The following PPRC1 variants were observed in gnomAD, a reference collection of about 807,000 sequenced individuals.
The protein encoded by PPRC1 is peroxisome proliferator-activated receptor gamma coactivator-related protein 1.
A neutral mutation model predicts 132.5 loss-of-function variants in PPRC1; 23 were observed. That is an observed-to-expected ratio of 0.17 (90% CI 0.12 to 0.25). PPRC1 has a LOEUF of 0.25. Among genes scored for constraint, PPRC1 ranks in the 10% least tolerant of loss-of-function variants. The probability of loss-of-function intolerance (pLI) is 1.00; values close to 1 mark genes in which losing one functional copy is unlikely to be tolerated. For synonymous variants in PPRC1, 872 were observed against 833.5 expected (o/e 1.05, Z -0.80); for missense variants, 2,006 against 2,089.1 (o/e 0.96, Z 0.78).
At chr10:102,122,324 C>T in the PPRC1 span, among the ~76,000 whole-genome samples, 2 of 152,188 alleles carry the variant, frequency 1.3e-5, no homozygotes, top group African/African-American at 4.8e-5. Flanking sequence ...TGATTTGAGA[C>T]AACTGACCAC....
intron 1 of PPRC1, among the ~76,000 whole-genome samples, chr10:102,134,945 C>T (rs1292149800): frequency 6.6e-6 from 1 of 152,104 alleles, no homozygotes; most frequent in Non-Finnish European, 1.5e-5. Flanking sequence ...ATTCCCTTCC[C>T]CCGAAAACCA....
chr10:102,139,807 C>G lies in PPRC1; in HGVS notation c.1299C>G (p.Val433=), dbSNP rs745908303. ...DSACLLKPRE[V]VEPVVPKEPQ... ...CCTGCTTATTGAAGCCCAGGGAGGT[C>G]GTGGAGCCGGTGGTGCCCAAGGAGC... Residue 433 remains valine (V), a synonymous_variant, in exon 5 of 14, where the codon GTC becomes GTG. Transcript: ENST00000278070. The G allele has an allele frequency of 3.7e-6, 6 of 1,614,038 alleles. No individual in the cohort carries two copies. The highest frequency in any genetic ancestry group is 5.1e-6 in the Non-Finnish European group (6 of 1,180,048).
Position 102,147,221 on chromosome 10 carries a change from G to A in PPRC1, c.4229G>A (p.Arg1410Lys). ...ATGCGCTGTTACCGAAAAGCCTGCA[G>A]GTCAGCCAGCCCCTCAAGCCAGGGC... Reference protein sequence around the residue: ...RSMRCYRKACRSASPSSQGWQ... With the variant: ...RSMRCYRKACKSASPSSQGWQ... The change falls in exon 9 of 14, where the codon AGG becomes AAG. Residue 1410 changes from arginine to lysine, a missense_variant. Physicochemically the swap from Arg to Lys is conservative, Grantham distance 26. Around this residue, in one of 2 missense-constraint regions of PPRC1, gnomAD observed 1,914 missense variants for 1,917.2 expected, o/e 1.00. Coordinates refer to ENST00000278070, the MANE Select transcript of PPRC1 (RefSeq NM_015062.5). 1.2e-6 allele frequency: 2 copies of A among 1,613,422 alleles called. No individual in the cohort carries two copies. Among genetic ancestry groups the A allele is most frequent in the Non-Finnish European group, 8.5e-7 (1 of 1,180,048 alleles).
rs61756436 is a variant in PPRC1 at position 102,139,902 on chromosome 10, A to G, written c.1394A>G (p.Lys465Arg). The change falls in exon 5 of 14, where the codon AAG becomes AGG. Residue 465 changes from lysine to arginine, a missense_variant. This residue lies in a region of PPRC1 where 1,914 missense variants were observed against 1,917.2 expected (regional missense o/e 1.00). Transcript: ENST00000278070. ...RARKGRKKKS[K>R]EQPAACVEGY... The stretch of plus-strand genomic sequence containing the variant: ...CGAAAGGGCAGGAAGAAGAAGAGCA[A>G]GGAGCAGCCAGCAGCCTGTGTGGAA... The G allele has an allele frequency of 5.4e-3, 8,657 of 1,614,262 alleles. 61 individuals carry two copies. Among genetic ancestry groups the G allele is most frequent in the Non-Finnish European group, 5.4e-3 (6,315 of 1,180,040 alleles).
upstream of PPRC1, among the ~76,000 whole-genome samples, chr10:102,132,144 A>G (rs2068554504): frequency 6.6e-6 from 1 of 152,240 alleles, no homozygotes; most frequent in Admixed American, 6.5e-5. Context: ...ACACACTAAA[A>G]GTAACAAGGG....
chr10:102,135,201 A>G, intron 1 of PPRC1, among the ~76,000 whole-genome samples: 1 of 152,174 alleles, frequency 6.6e-6, no homozygotes, highest in East Asian at 1.9e-4. Flanking sequence ...TAAAGCTGAG[A>G]TGTTAAAACT....
rs761032678 is a variant in PPRC1 at position 102,145,082 on chromosome 10, A to G, written c.3671A>G (p.Asn1224Ser). 3.7e-6 allele frequency: 6 copies of G among 1,613,532 alleles called. No homozygotes were observed. Among genetic ancestry groups the G allele is most frequent in the Admixed American group, 1.7e-5 (1 of 59,998 alleles). ...LDRLQAPELA[N>S]VAGLTPPATP... ...CGGTTACAAGCCCCAGAACTGGCCA[A>G]CGTGGCAGGTGGGTTCAGGGTGGGG... is the stretch of plus-strand genomic sequence containing the variant. Residue 1224 changes from asparagine to serine, a missense_variant, in exon 8 of 14, where the codon AAC becomes AGC. Physicochemically the swap from Asn to Ser is conservative, Grantham distance 46. Coordinates refer to ENST00000278070, the MANE Select transcript of PPRC1 (RefSeq NM_015062.5).
At chr10:102,143,598 C>CAAAA (rs774584823) in intron 6 of PPRC1, among the ~76,000 whole-genome samples, 2 of 57,900 alleles carry the variant, frequency 3.5e-5, no homozygotes, top group East Asian at 4.9e-4. Flanking sequence ...GACTCTGTCT[C>CAAAA]AAAAAAAAAA....
chr10:102,140,273 T>C lies in PPRC1; in HGVS notation c.1765T>C (p.Ser589Pro), dbSNP rs2068900897. The C allele has an allele frequency of 1.9e-6, 3 of 1,614,164 alleles. No individual in the cohort carries two copies. The highest frequency in any genetic ancestry group is 2.2e-5 in the East Asian group (1 of 44,878). ...SAQASPMPVD[S>P]VEADPTAVGP... The stretch of plus-strand genomic sequence containing the variant: ...CCAAGCCAGCCCCATGCCAGTTGAC[T>C]CTGTTGAAGCTGATCCCACTGCAGT... Residue 589 changes from serine (S) to proline (P), a missense_variant, in exon 5 of 14, where the codon TCT becomes CCT. Physicochemically the swap from Ser to Pro is moderately conservative, Grantham distance 74. Transcript: ENST00000278070.
At position 102,142,942 on chromosome 10, in the gene PPRC1, G is replaced by C. The variant is rs550652433; in HGVS notation, c.3497-103G>C. ...TTGGTTCACTTAGTACAGAGGGCAG[G>C]GGGAGTGGAAAGGGAGAAGTGAGAT... On this transcript the variant is annotated intron_variant, in intron 5 of 13. Transcript: ENST00000278070. The C allele has an allele frequency of 4.6e-5, 46 of 992,126 alleles. 1 individual carries two copies. In the South Asian group the frequency reaches 6.3e-4, roughly 13 times the overall value. 61.5% of individuals were successfully genotyped at this position (992,126 alleles called of 1,614,324 possible).
At chr10:102,139,043 T>C in intron 4 of PPRC1, 57 bp from the exon 5 acceptor site, 1 of 1,603,376 alleles carries the variant, frequency 6.2e-7, no homozygotes, top group Non-Finnish European at 8.5e-7. Context: ...TGGGGACAGG[T>C]CTGGAAAATA....
At chr10:102,128,550 G>A (rs1354315666), upstream of PPRC1, among the ~76,000 whole-genome samples, 1 of 151,834 alleles carries the variant, frequency 6.6e-6, no homozygotes, top group Non-Finnish European at 1.5e-5. Flanking sequence ...GGGAGAAAGA[G>A]AGAGCAAGAG....
intron 5 of PPRC1, 44 bp from the exon 6 acceptor site, chr10:102,143,001 T>A: frequency 6.4e-7 from 1 of 1,561,040 alleles, no homozygotes; most frequent in Non-Finnish European, 8.8e-7. Flanking sequence ...GTGTACTAAG[T>A]TGATAGGGGC....
At position 102,146,798 on chromosome 10, in the gene PPRC1, C is replaced by T. The variant is rs377662333; in HGVS notation, c.3806C>T (p.Thr1269Met). ...GGAACCCTGAAGCCTGAAGGAGTTACGGAGGCCAAACATCCAGCTGCAGTT... is the reference window on the plus strand; with the variant it reads ...GGAACCCTGAAGCCTGAAGGAGTTATGGAGGCCAAACATCCAGCTGCAGTT... The part of the protein sequence containing the change: ...QEGTLKPEGV[T>M]EAKHPAAVRL... Residue 1269 changes from threonine to methionine, a missense_variant, in exon 9 of 14, where the codon ACG (threonine) becomes ATG (methionine). Around this residue, in one of 2 missense-constraint regions of PPRC1, gnomAD observed 1,914 missense variants for 1,917.2 expected, o/e 1.00. Coordinates refer to ENST00000278070, the MANE Select transcript of PPRC1 (RefSeq NM_015062.5). 3.0e-5 allele frequency: 48 copies of T among 1,613,940 alleles called. No individual in the cohort carries two copies. Among genetic ancestry groups the T allele is most frequent in the African/African-American group, 1.2e-4 (9 of 74,852 alleles).
upstream of PPRC1, among the ~76,000 whole-genome samples, chr10:102,130,432 A>C (rs534200615): frequency 0.013 from 1,876 of 147,986 alleles, 49 homozygotes; most frequent in African/African-American, 0.045. Flanking sequence ...AAAAAAAAAA[A>C]AAAAAAAAAA....
chr10:102,124,405 C>T, the PPRC1 span, among the ~76,000 whole-genome samples: 1 of 151,924 alleles, frequency 6.6e-6, no homozygotes, highest in Non-Finnish European at 1.5e-5. Context: ...ACTCTGTTGC[C>T]CAGGCTGGAG....
intron 1 of PPRC1, among the ~76,000 whole-genome samples, chr10:102,134,288 T>C (rs1401845244): frequency 6.6e-6 from 1 of 152,078 alleles, no homozygotes; most frequent in Non-Finnish European, 1.5e-5. Flanking sequence ...CTCTTCGGAT[T>C]TTTTGCTGGG....
At chr10:102,128,923 CTTT>C (rs1027475920), upstream of PPRC1, among the ~76,000 whole-genome samples, 1 of 75,642 alleles carries the variant, frequency 1.3e-5, no homozygotes, top group South Asian at 4.8e-4. Flanking sequence ...CAGCGGCAGT[CTTT>C]TTTTTTTTTT....
the PPRC1 span, among the ~76,000 whole-genome samples, chr10:102,124,640 CA>C: frequency 1.4e-5 from 2 of 140,208 alleles, no homozygotes; most frequent in African/African-American, 5.1e-5. Flanking sequence ...TGTGCCTGGC[CA>C]TTTTTTTTTT....
Sources: allele counts gnomAD v4.1 joint callset (sites outside exome capture counted in the v4.1 genomes callset), GRCh38; gene constraint gnomAD v4.1.1; regional missense constraint gnomAD v4.1.1; transcripts MANE v1.5; gene names NCBI Gene and HGNC (gene_info 2026-07-23, HGNC 2026-07-21).